CEP85L: variants seen among roughly 807,000 people sequenced by gnomAD.
The protein encoded by CEP85L is centrosomal protein of 85 kDa-like.
In CEP85L, 60 loss-of-function variants were observed where a neutral mutation model predicts 100.3. The observed-to-expected ratio is 0.60, with a 90% confidence interval of 0.49 to 0.74. The LOEUF is 0.74. CEP85L is among the 30% of genes least tolerant of loss of function. CEP85L has a pLI of 0.00. For synonymous variants in CEP85L, 319 were observed against 322.7 expected (o/e 0.99, Z 0.12); for missense variants, 973 against 936.2 (o/e 1.04, Z -0.51).
chr6:118,654,328 A>G (rs1343282504), upstream of CEP85L, among the ~76,000 whole-genome samples: 1 of 152,226 alleles, frequency 6.6e-6, no homozygotes, highest in East Asian at 1.9e-4. Context: ...AATATGAGGA[A>G]AGCTCAAGAG....
In CEP85L at chr6:118,496,304, ACGT is replaced by A. The variant is rs1327454965; in HGVS notation, c.1258-4442_1258-4440del. Among the ~76,000 whole-genome samples, 8 of 151,370 alleles carry A rather than the reference ACGT, an allele frequency of 5.3e-5. 1 individual carries two copies. The South Asian group carries it at 1.7e-3, about 32-fold the overall frequency. ...GTGAGGAGATGGACGCAGGGCACAC[ACGT>A]CATCTCTTATACACAGAAGTGATTG... On this transcript the variant is annotated intron_variant, in intron 5 of 12. Transcript: ENST00000368491.
At chr6:118,493,387 A>G (rs1322694646) in intron 5 of CEP85L, among the ~76,000 whole-genome samples, 1 of 152,196 alleles carries the variant, frequency 6.6e-6, no homozygotes, top group Non-Finnish European at 1.5e-5. Context: ...CCAGCATTCA[A>G]TCTAGTGTCT....
At chr6:118,565,321 G>A in intron 3 of CEP85L, 2 of 582,568 alleles carry the variant, frequency 3.4e-6, no homozygotes, top group Admixed American at 3.2e-5. Context: ...CTAGGTACAA[G>A]GTTTTCAGAT....
chr6:118,566,135 C>G lies in CEP85L; in HGVS notation c.414G>C (p.Arg138Ser), dbSNP rs202011854. ...TGTCTAGGGAAGAGTCCTGCTCCCC[C>G]CTACTGTGGTTTCCCAATGTTTGCA... is the stretch of plus-strand genomic sequence containing the variant. ...SLMQTLGNHS[R>S]GEQDSSLDMK... is the part of the protein sequence containing the mutation. Residue 138 changes from arginine (R) to serine (S), a missense_variant, in exon 3 of 13, where the codon AGG (arginine) becomes AGC (serine). By Grantham distance (110) the Arg-to-Ser change is moderately radical. Coordinates refer to ENST00000368491, the MANE Select transcript of CEP85L (RefSeq NM_001042475.3). 88 of 1,614,166 alleles carry G rather than the reference C, an allele frequency of 5.5e-5. No individual in the cohort carries two copies. Among genetic ancestry groups the G allele is most frequent in the East Asian group, 5.1e-4 (23 of 44,866 alleles).
chr6:118,618,045 G>A (rs764565896), intron 2 of CEP85L, among the ~76,000 whole-genome samples: 25 of 152,198 alleles, frequency 1.6e-4, no homozygotes, highest in Admixed American at 1.2e-3. Context: ...TGGTTTGCCC[G>A]GAACCAGTTT....
chr6:118,566,350 A>G (rs1253047925), intron 2 of CEP85L, 34 bp from the exon 3 acceptor site: 1 of 1,529,786 alleles, frequency 6.5e-7, no homozygotes, highest in South Asian at 1.2e-5. Flanking sequence ...ATTAGTTACA[A>G]TTAACAGACA....
rs1007351971 is a variant in CEP85L, at chr6:118,600,341, G to C, written c.232+32112C>G. ...TGTGTGTGTGTGTGTGTGTGTGTGT[G>C]TGTGTGTGTGTGTGTGTGTGTGTGT... is the stretch of plus-strand genomic sequence containing the variant. On this transcript the variant is annotated intron_variant, in intron 2 of 12. Transcript: ENST00000368491. 7.4e-5 allele frequency among the ~76,000 whole-genome samples: 10 copies of C among 134,346 alleles called. 1 individual carries two copies. Among genetic ancestry groups the C allele is most frequent in the African/African-American group, 2.8e-4 (10 of 36,324 alleles). The allele number at this position is 134,346 out of a possible 152,430, so 88.1% of individuals were successfully genotyped here.
intron 2 of CEP85L, among the ~76,000 whole-genome samples, chr6:118,624,726 G>A (rs1426100345): frequency 1.3e-5 from 2 of 152,212 alleles, no homozygotes; most frequent in Non-Finnish European, 2.9e-5. Flanking sequence ...CTGTCCCGAT[G>A]CCCTAGGGAC....
chr6:118,579,884 T>C (rs540575369), intron 2 of CEP85L, among the ~76,000 whole-genome samples: 1 of 152,276 alleles, frequency 6.6e-6, no homozygotes, highest in South Asian at 2.1e-4. Flanking sequence ...AGAAACTGGG[T>C]CCACTCAATA....
intron 2 of CEP85L, among the ~76,000 whole-genome samples, chr6:118,582,163 A>G (rs1780613529): frequency 6.6e-6 from 1 of 152,112 alleles, no homozygotes; most frequent in African/African-American, 2.4e-5. Context: ...CTCCAGCTCC[A>G]CTATCTCCAG....
chr6:118,630,637 T>C (rs1250502142), intron 2 of CEP85L, among the ~76,000 whole-genome samples: 1 of 152,140 alleles, frequency 6.6e-6, no homozygotes. Context: ...TGAAAAGACA[T>C]GGAGAAACTT....
At chr6:118,669,781 A>G (rs1776239493) in intron 1 of CEP85L, among the ~76,000 whole-genome samples, 1 of 151,824 alleles carries the variant, frequency 6.6e-6, no homozygotes, top group Non-Finnish European at 1.5e-5. Flanking sequence ...AACCCCTGTA[A>G]TTCCCTGTGG....
At position 118,646,969 on chromosome 6, in the gene CEP85L, C is replaced by G. The variant is rs146957841; in HGVS notation, c.73+4228G>C. 5 of 985,308 alleles carry G rather than the reference C, an allele frequency of 5.1e-6. No homozygotes were observed. In the East Asian group the frequency reaches 5.7e-4, roughly 112 times the overall value. The allele number at this position is 985,308 out of a possible 1,614,324, so 61.0% of individuals were successfully genotyped here. A position where few individuals can be genotyped will look rare whatever the true frequency, so the allele number is the denominator to read the frequency against. On this transcript the variant is annotated intron_variant, in intron 1 of 12. Transcript: ENST00000368491. The stretch of plus-strand genomic sequence containing the variant: ...ATTCAAGCCAGGAAGTGATCAAATT[C>G]CAATTATTAATCAAGTTCATTTCAC...
rs74945427 is a variant in CEP85L, at chr6:118,575,919, C to T, written c.233-9603G>A. 3.7e-3 allele frequency among the ~76,000 whole-genome samples: 564 copies of T among 152,162 alleles called. 3 individuals carry two copies. Among genetic ancestry groups the T allele is most frequent in the African/African-American group, 0.013 (538 of 41,498 alleles). ...ATACTGAAATGCCCCCAACAGGCCG[C>T]CTCAAGTATTTACTAGTAATAGTAG... On this transcript the variant is annotated intron_variant, in intron 2 of 12. Coordinates refer to ENST00000368491, the MANE Select transcript of CEP85L (RefSeq NM_001042475.3).
chr6:118,666,725 G>A (rs1776144169), intron 1 of CEP85L, among the ~76,000 whole-genome samples: 1 of 151,392 alleles, frequency 6.6e-6, no homozygotes, highest in Admixed American at 6.6e-5. Context: ...TTCAGTGGCT[G>A]AAAATAAGGG....
chr6:118,667,434 T>TA (rs774296070), intron 1 of CEP85L, among the ~76,000 whole-genome samples: 3 of 152,202 alleles, frequency 2.0e-5, no homozygotes, highest in Non-Finnish European at 4.4e-5. Context: ...CTCACTTTAA[T>TA]AAATGGGCAT....
intron 1 of CEP85L, among the ~76,000 whole-genome samples, chr6:118,648,725 GAGAA>G (rs1775362365): frequency 7.2e-6 from 1 of 137,986 alleles, no homozygotes; most frequent in Non-Finnish European, 1.5e-5. Flanking sequence ...CTGGGCGACA[GAGAA>G]AGACTGTCTC....
chr6:118,483,977 C>A, intron 6 of CEP85L, 119 bp from the exon 7 acceptor site: 1 of 798,266 alleles, frequency 1.3e-6, no homozygotes, highest in Non-Finnish European at 2.0e-6. Flanking sequence ...ATAGCGAAGG[C>A]CACTAGCAAC....
At chr6:118,673,080 C>T (rs1013135508) in intron 1 of CEP85L, among the ~76,000 whole-genome samples, 1 of 152,140 alleles carries the variant, frequency 6.6e-6, no homozygotes, top group East Asian at 1.9e-4. Flanking sequence ...TAGTGCAGTG[C>T]TCTAATACAT....
Sources: allele counts gnomAD v4.1 joint callset (sites outside exome capture counted in the v4.1 genomes callset), GRCh38; gene constraint gnomAD v4.1.1; transcripts MANE v1.5; gene names NCBI Gene and HGNC (gene_info 2026-07-23, HGNC 2026-07-21).